Variants in KDM1B observed in about 807,000 individuals in gnomAD.
KDM1B encodes lysine-specific histone demethylase 2.
KDM1B carries 63 observed loss-of-function variants against 107.4 expected under a neutral mutation model. The observed-to-expected ratio is 0.59, with a 90% CI of 0.48 to 0.72. KDM1B has a LOEUF of 0.72. KDM1B is among the 30% of genes least tolerant of loss of function. KDM1B has a pLI of 0.00. For synonymous variants in KDM1B, 363 were observed against 363.9 expected, an observed-to-expected ratio of 1.00 and a Z score of 0.03; for missense variants, 749 against 1,020.8, an observed-to-expected ratio of 0.73 and a Z score of 3.63.
chr6:18,202,248 C>CG (rs1365440438), intron 14 of KDM1B, among the ~76,000 whole-genome samples: 4 of 149,050 alleles, frequency 2.7e-5, no homozygotes, highest in Non-Finnish European at 4.4e-5. Flanking sequence ...AAAAAAAGGG[C>CG]GGGGGGCAAG....
intron 21 of KDM1B, among the ~76,000 whole-genome samples, chr6:18,218,950 T>C (rs1789454821): frequency 6.6e-6 from 1 of 152,230 alleles, no homozygotes; most frequent in South Asian, 2.1e-4. Context: ...TTGCCCATGC[T>C]GGAGTGCAGT....
rs1001349328 is a variant in KDM1B, at chr6:18,201,737, T to A, written c.1531+80T>A. 43 of 1,222,962 alleles carry A rather than the reference T, an allele frequency of 3.5e-5. No homozygotes were observed. The highest frequency in any genetic ancestry group is 4.9e-5 in the Non-Finnish European group (43 of 884,910). 75.8% of individuals were successfully genotyped at this position (1,222,962 alleles called of 1,614,324 possible). ...CTTCATCAGCAGTGGCATTGTTCAT[T>A]TGCGAGGTCGGATGTCGGCAACAGG... On this transcript the variant is annotated intron_variant, in intron 14 of 21. Coordinates refer to ENST00000650836, the MANE Select transcript of KDM1B (RefSeq NM_001364614.2). The surrounding 1 kb of genome is among the most constrained non-coding windows in gnomAD (Gnocchi z 4.3).
rs1014287828 is a variant in KDM1B at position 18,213,550 on chromosome 6, G to A, written c.1984-106G>A. The A allele has an allele frequency of 1.2e-5, 13 of 1,126,372 alleles. No homozygotes were observed. The highest frequency in any genetic ancestry group is 2.4e-5 in the East Asian group (1 of 41,878). The allele number at this position is 1,126,372 out of a possible 1,614,324, so 69.8% of individuals were successfully genotyped here. On this transcript the variant is annotated intron_variant, in intron 18 of 21. Coordinates refer to ENST00000650836, the MANE Select transcript of KDM1B (RefSeq NM_001364614.2). The surrounding 1 kb of genome is among the most constrained non-coding windows in gnomAD (Gnocchi z 5.9). ...GAGCGGTATTTGGGGTTGTTCTTTC[G>A]GGCAGTGTCTTTGTTTTAGAGTAGA...
chr6:18,176,571 G>A (rs1252647494), intron 7 of KDM1B, among the ~76,000 whole-genome samples: 1 of 152,144 alleles, frequency 6.6e-6, no homozygotes, highest in African/African-American at 2.4e-5. Flanking sequence ...TCCCCATTCA[G>A]TATTATGTTG....
intron 21 of KDM1B, among the ~76,000 whole-genome samples, chr6:18,220,420 G>A (rs1789598991): frequency 6.6e-6 from 1 of 152,194 alleles, no homozygotes; most frequent in Non-Finnish European, 1.5e-5. Flanking sequence ...ATGGTGGCGG[G>A]CGCCTGTAAT....
Position 18,164,948 on chromosome 6 carries a change from G to C in KDM1B, c.306-1319G>C, listed in dbSNP as rs115649464. The stretch of plus-strand genomic sequence containing the variant: ...GGTGTGAGGCTCCATGCCCGGCCTA[G>C]AGGAGATTTCTCATTTACACTTATA... On this transcript the variant is annotated intron_variant, in intron 5 of 21. Coordinates refer to ENST00000650836, the MANE Select transcript of KDM1B (RefSeq NM_001364614.2). 6.5e-3 allele frequency among the ~76,000 whole-genome samples: 981 copies of C among 151,850 alleles called. 9 individuals are homozygous for C. Among genetic ancestry groups the C allele is most frequent in the African/African-American group, 0.023 (944 of 41,440 alleles).
At chr6:18,174,990 C>T (rs1395947306) in intron 7 of KDM1B, among the ~76,000 whole-genome samples, 1 of 152,118 alleles carries the variant, frequency 6.6e-6, no homozygotes, top group African/African-American at 2.4e-5. Context: ...GACTTCTTTT[C>T]CTCTGGATAC....
At chr6:18,168,003 T>C (rs1785425601) in intron 6 of KDM1B, among the ~76,000 whole-genome samples, 1 of 152,164 alleles carries the variant, frequency 6.6e-6, no homozygotes, top group Admixed American at 6.6e-5. Flanking sequence ...CAAGCAATCC[T>C]CCCACTTCAG....
In KDM1B at chr6:18,208,603, GTATATATATA is replaced by G. The variant is rs774817680; in HGVS notation, c.1866+413_1866+422del. 5.7e-4 allele frequency among the ~76,000 whole-genome samples: 20 copies of G among 34,916 alleles called. 2 individuals carry two copies. The highest frequency in any genetic ancestry group is 1.7e-3 in the Admixed American group (3 of 1,768). 22.9% of individuals were successfully genotyped at this position (34,916 alleles called of 152,430 possible). On this transcript the variant is annotated intron_variant, in intron 17 of 21. Coordinates refer to ENST00000650836, the MANE Select transcript of KDM1B (RefSeq NM_001364614.2). The stretch of plus-strand genomic sequence containing the variant: ...TAGGGTTAAATAGAAGTATGTGTAT[GTATATATATA>G]TATATATATATATATTTTTTTTTTT...
intron 21 of KDM1B, among the ~76,000 whole-genome samples, chr6:18,221,095 C>A (rs908586304): frequency 7.2e-5 from 11 of 152,132 alleles, no homozygotes; most frequent in African/African-American, 2.4e-4. Flanking sequence ...TTTCTCCCCC[C>A]ACTAGTCACT....
chr6:18,197,010 C>A lies in KDM1B; in HGVS notation c.970-47C>A. 1.3e-6 allele frequency: 2 copies of A among 1,514,834 alleles called. No individual in the cohort carries two copies. The highest frequency in any genetic ancestry group is 1.2e-5 in the South Asian group (1 of 84,808). 93.8% of individuals were successfully genotyped at this position (1,514,834 alleles called of 1,614,324 possible). ...TGTTTTCCTGCTATTGTTTGAATTT[C>A]TTGGGACTTTTTTAAAAAAGCAGTT... On this transcript the variant is annotated intron_variant, in intron 10 of 21. Transcript: ENST00000650836. This position sits in a 1 kb window ranked among gnomAD's most constrained non-coding sequence, Gnocchi z 4.5.
At position 18,197,924 on chromosome 6, in the gene KDM1B, T is replaced by TG. The variant is rs1787753209; in HGVS notation, c.1221+263_1221+264insG. 6.9e-6 allele frequency among the ~76,000 whole-genome samples: 1 copy of TG among 144,178 alleles called. No individual in the cohort carries two copies. Among genetic ancestry groups the TG allele is most frequent in the African/African-American group, 2.8e-5 (1 of 36,314 alleles). The allele number at this position is 144,178 out of a possible 152,430, so 94.6% of individuals were successfully genotyped here. A position where few individuals can be genotyped will look rare whatever the true frequency, so the allele number is the denominator to read the frequency against. On this transcript the variant is annotated intron_variant, in intron 12 of 21. Coordinates refer to ENST00000650836, the MANE Select transcript of KDM1B (RefSeq NM_001364614.2). The surrounding 1 kb of genome is among the most constrained non-coding windows in gnomAD (Gnocchi z 4.5). ...TCTAACTTGGCATTAAAGTAGAAAT[T>TG]CTTTTTTTTTTTTTTTTTTGAGACA...
rs764465826 is a variant in KDM1B, at chr6:18,222,183, C to CTTA, written c.*192_*194dup. Reference sequence around the variant, plus strand: ...CTGACCTCAAAAAACCTTATAAGCACTTAGATTTAATTGCATTTTCCATAG... The same window carrying CTTA: ...CTGACCTCAAAAAACCTTATAAGCACTTATTAGATTTAATTGCATTTTCCATAG... On this transcript the variant is annotated 3_prime_UTR_variant, in exon 22 of 22. Transcript: ENST00000650836. 2.9e-6 allele frequency: 2 copies of CTTA among 690,270 alleles called. No individual in the cohort carries two copies. The highest frequency in any genetic ancestry group is 1.8e-5 in the African/African-American group (1 of 56,874). The allele number at this position is 690,270 out of a possible 1,614,324, so 42.8% of individuals were successfully genotyped here. A position where few individuals can be genotyped will look rare whatever the true frequency, so the allele number is the denominator to read the frequency against.
chr6:18,210,342 C>CTTTTTTTTTTTTTTT lies in KDM1B; in HGVS notation c.1867-2130_1867-2116dup, dbSNP rs533016543. ...TCTTTCTTTTTTTTCTCTTTCTTTT[C>CTTTTTTTTTTTTTTT]TTTTTTTTTTTTTTTTTTTTTTTTT... On this transcript the variant is annotated intron_variant, in intron 17 of 21. Transcript: ENST00000650836. Among the ~76,000 whole-genome samples, 273 of 69,892 alleles carry CTTTTTTTTTTTTTTT rather than the reference C, an allele frequency of 3.9e-3. 14 individuals carry two copies. The highest frequency in any genetic ancestry group is 9.4e-3 in the Middle Eastern group (1 of 106). 45.9% of individuals were successfully genotyped at this position (69,892 alleles called of 152,430 possible). A position where few individuals can be genotyped will look rare whatever the true frequency, so the allele number is the denominator to read the frequency against.
chr6:18,210,647 C>T (rs566464272), intron 17 of KDM1B, among the ~76,000 whole-genome samples: 1 of 152,098 alleles, frequency 6.6e-6, no homozygotes, highest in African/African-American at 2.4e-5. Flanking sequence ...AGGTGTGAGC[C>T]ACTGCACCTG....
In KDM1B at chr6:18,191,319, G is replaced by C; in HGVS notation, c.907G>C (p.Asp303His). 3.2e-6 allele frequency: 5 copies of C among 1,551,020 alleles called. No homozygotes were observed. The highest frequency in any genetic ancestry group is 4.4e-6 in the Non-Finnish European group (5 of 1,147,086). ...CTATGAGTTTCCAGAGTATTCCCGAGACCCCACCATGTACCTGGCTTTGAG... is the reference window on the plus strand; with the variant it reads ...CTATGAGTTTCCAGAGTATTCCCGACACCCCACCATGTACCTGGCTTTGAG... ...ELYEFPEYSR[D>H]PTMYLALRNL... is the part of the protein sequence containing the mutation. The change falls in exon 10 of 22, where the codon GAC (aspartate) becomes CAC (histidine). Residue 303 changes from aspartate (D) to histidine (H), a missense_variant. By Grantham distance (81) the Asp-to-His change is moderately conservative. Transcript: ENST00000650836. The surrounding 1 kb of genome is among the most constrained non-coding windows in gnomAD (Gnocchi z 5.1).
At chr6:18,221,674 T>TA (rs1341670699) in intron 21 of KDM1B, among the ~76,000 whole-genome samples, 2 of 152,216 alleles carry the variant, frequency 1.3e-5, no homozygotes, top group Non-Finnish European at 2.9e-5. Context: ...CACATATACT[T>TA]AGTATTTTAA....
chr6:18,197,498 A>G lies in KDM1B; in HGVS notation c.1147-89A>G, dbSNP rs1787724400. The G allele has an allele frequency of 9.8e-7, 1 of 1,025,184 alleles. No individual in the cohort carries two copies. Among genetic ancestry groups the G allele is most frequent in the East Asian group, 2.5e-5 (1 of 39,714 alleles). 63.5% of individuals were successfully genotyped at this position (1,025,184 alleles called of 1,614,324 possible). On this transcript the variant is annotated intron_variant, in intron 11 of 21. Transcript: ENST00000650836. This position sits in a 1 kb window ranked among gnomAD's most constrained non-coding sequence, Gnocchi z 4.5. The stretch of plus-strand genomic sequence containing the variant: ...TAAGGACATCAAAGAAATGTAAATG[A>G]ACGAATTTGCTCTGCAGTTCCGGAA...
In KDM1B at chr6:18,207,381, C is replaced by T. The variant is rs749761126; in HGVS notation, c.1660-17C>T. On this transcript the variant is annotated splice_polypyrimidine_tract_variant and intron_variant, in intron 15 of 21. Transcript: ENST00000650836. ...AGGATTTACACTGCTGTGTCCCCAA[C>T]CTCTCTTGTTTCCCAGGTATCTGCT... The T allele has an allele frequency of 5.0e-6, 8 of 1,613,766 alleles. No individual in the cohort carries two copies. The highest frequency in any genetic ancestry group is 6.8e-6 in the Non-Finnish European group (8 of 1,179,816).
Sources: allele counts gnomAD v4.1 joint callset (sites outside exome capture counted in the v4.1 genomes callset), GRCh38; gene constraint gnomAD v4.1.1; non-coding constraint Gnocchi (gnomAD v3.1); transcripts MANE v1.5; gene names NCBI Gene and HGNC (gene_info 2026-07-23, HGNC 2026-07-21).